ZFHX3: variants seen among roughly 807,000 people sequenced by gnomAD.
ZFHX3 encodes zinc finger homeobox protein 3.
ZFHX3 carries 42 observed loss-of-function variants against 279.1 expected under a neutral mutation model. The ratio of observed to expected loss-of-function variants is 0.15; its 90% CI spans 0.12 to 0.19. The LOEUF (loss-of-function observed/expected upper bound fraction) is 0.19, where lower values mean the gene tolerates loss of function less well. Ranked by LOEUF, ZFHX3 falls within the 10% of genes least tolerant of loss-of-function variation. The pLI is 1.00. For synonymous variants in ZFHX3, 2,293 were observed against 1,957.8 expected, an observed-to-expected ratio of 1.17 and a Z score of -4.52; for missense variants, 4,981 against 4,754.0, an observed-to-expected ratio of 1.05 and a Z score of -1.40.
intron 1 of ZFHX3, among the ~76,000 whole-genome samples, chr16:73,822,998 A>G (rs941487101): frequency 1.3e-5 from 2 of 152,216 alleles, no homozygotes; most frequent in Admixed American, 1.3e-4. Context: ...GCACTGGGCT[A>G]TATGCTAAGG....
At chr16:72,876,131 C>T (rs9929959) in intron 4 of ZFHX3, among the ~76,000 whole-genome samples, 4,904 of 152,276 alleles carry the variant, frequency 0.032, 281 homozygotes, top group African/African-American at 0.11. Flanking sequence ...ATAAAACACA[C>T]GTGCATGCAT....
intron 2 of ZFHX3, among the ~76,000 whole-genome samples, chr16:73,567,207 G>A (rs1187527627): frequency 6.6e-6 from 1 of 152,050 alleles, no homozygotes; most frequent in African/African-American, 2.4e-5. Flanking sequence ...AATCCAGGAT[G>A]ATTTCATCTG....
intron 5 of ZFHX3, among the ~76,000 whole-genome samples, chr16:73,176,961 C>G (rs991026067): frequency 6.6e-6 from 1 of 152,070 alleles, no homozygotes; most frequent in African/African-American, 2.4e-5. Flanking sequence ...ATGACTAAGT[C>G]ATGGAAGCAA....
chr16:73,189,160 C>T (rs1246866873), intron 5 of ZFHX3, among the ~76,000 whole-genome samples: 1 of 152,182 alleles, frequency 6.6e-6, no homozygotes, highest in African/African-American at 2.4e-5. Flanking sequence ...CCGCGCCCGC[C>T]CACATCTGGG....
At chr16:73,162,500 A>T (rs1967262937) in intron 5 of ZFHX3, among the ~76,000 whole-genome samples, 1 of 152,260 alleles carries the variant, frequency 6.6e-6, no homozygotes, top group East Asian at 1.9e-4. Context: ...AAAGCACACA[A>T]TAAATGTAAT....
At chr16:73,875,608 G>A (rs9922664) in intron 1 of ZFHX3, among the ~76,000 whole-genome samples, 79,561 of 151,762 alleles carry the variant, frequency 0.52, 21,982 homozygotes, top group African/African-American at 0.65. Flanking sequence ...CCTGAGATTC[G>A]ATATCAATTT....
chr16:72,924,029 G>A (rs1959301509), intron 3 of ZFHX3, among the ~76,000 whole-genome samples: 1 of 152,262 alleles, frequency 6.6e-6, no homozygotes, highest in East Asian at 1.9e-4. Flanking sequence ...GCTAGCACTT[G>A]CCCCAGGCAC....
intron 4 of ZFHX3, among the ~76,000 whole-genome samples, chr16:72,873,115 C>G (rs932912556): frequency 6.6e-6 from 1 of 152,240 alleles, no homozygotes; most frequent in Non-Finnish European, 1.5e-5. Flanking sequence ...CTACTCACTA[C>G]GGATCATCTT....
chr16:73,466,043 G>A (rs920664354), intron 2 of ZFHX3, among the ~76,000 whole-genome samples: 1 of 152,092 alleles, frequency 6.6e-6, no homozygotes, highest in Admixed American at 6.6e-5. Context: ...AACCCTTGGG[G>A]TCTGAAGATT....
chr16:72,980,425 GA>G (rs1393936781), intron 1 of ZFHX3, among the ~76,000 whole-genome samples: 2 of 152,094 alleles, frequency 1.3e-5, no homozygotes, highest in East Asian at 3.9e-4. Flanking sequence ...GGGACAATCA[GA>G]TAAGTCTGAA....
chr16:72,857,695 A>C (rs1370612695), intron 4 of ZFHX3, among the ~76,000 whole-genome samples: 1 of 151,712 alleles, frequency 6.6e-6, no homozygotes, highest in African/African-American at 2.4e-5. Flanking sequence ...TGTAATTGAC[A>C]AAAACAAAAC....
chr16:72,814,543 T>C (rs1168510050), intron 5 of ZFHX3, among the ~76,000 whole-genome samples: 1 of 152,036 alleles, frequency 6.6e-6, no homozygotes, highest in Admixed American at 6.6e-5. Flanking sequence ...TGTGGTGAGG[T>C]TGCAGAGGTG....
At chr16:73,054,523 A>G (rs530428496) in intron 1 of ZFHX3, among the ~76,000 whole-genome samples, 1 of 148,802 alleles carries the variant, frequency 6.7e-6, no homozygotes, top group South Asian at 2.1e-4. Context: ...CGAAGTTTAT[A>G]GCTCAAGAGT....
chr16:72,890,017 C>A, intron 3 of ZFHX3, 55 bp from the exon 4 acceptor site: 2 of 1,503,858 alleles, frequency 1.3e-6, no homozygotes, highest in Non-Finnish European at 1.8e-6. Context: ...GAAGCGGCCA[C>A]TGGCATCAGC....
chr16:73,496,016 A>C (rs1212290858), intron 2 of ZFHX3, among the ~76,000 whole-genome samples: 1 of 152,240 alleles, frequency 6.6e-6, no homozygotes, highest in East Asian at 1.9e-4. Context: ...GCTAGACAGA[A>C]AGAGAGCGAC....
chr16:73,497,114 A>C (rs1188075605), intron 2 of ZFHX3, among the ~76,000 whole-genome samples: 1 of 152,164 alleles, frequency 6.6e-6, no homozygotes, highest in Non-Finnish European at 1.5e-5. Context: ...AACCCATATT[A>C]ACTTTCCTGT....
chr16:73,379,089 G>A (rs985593146), intron 3 of ZFHX3, among the ~76,000 whole-genome samples: 1 of 152,208 alleles, frequency 6.6e-6, no homozygotes, highest in African/African-American at 2.4e-5. Context: ...ATGGCATGTT[G>A]AGGAGGGGGA....
At chr16:73,450,901 G>A (rs944025156) in intron 3 of ZFHX3, among the ~76,000 whole-genome samples, 2 of 151,846 alleles carry the variant, frequency 1.3e-5, no homozygotes, top group East Asian at 3.9e-4. Flanking sequence ...ATTTTTCTTG[G>A]CTGCTTTAGC....
At chr16:72,879,471 G>A (rs2038405481) in intron 4 of ZFHX3, among the ~76,000 whole-genome samples, 1 of 152,152 alleles carries the variant, frequency 6.6e-6, no homozygotes, top group Non-Finnish European at 1.5e-5. Flanking sequence ...TGTCGCCCAG[G>A]TTGAAGTGCA....
Sources: gnomAD v4.1 joint callset for allele counts (sites outside exome capture counted in the v4.1 genomes callset) on GRCh38, gnomAD v4.1.1 for gene constraint, MANE v1.5 for transcripts, NCBI Gene and HGNC (gene_info 2026-07-23, HGNC 2026-07-21) for gene names.